PXDN: variants seen among roughly 807,000 people sequenced by gnomAD.
PXDN encodes peroxidasin homolog.
A neutral mutation model predicts 140.3 loss-of-function variants in PXDN; 77 were observed. The ratio of observed to expected loss-of-function variants is 0.55; its 90% CI spans 0.46 to 0.66. The LOEUF is 0.66. Among genes scored for constraint, PXDN ranks in the 30% least tolerant of loss-of-function variants. The probability of loss-of-function intolerance (pLI) is 0.00; values close to 1 mark genes in which losing one functional copy is unlikely to be tolerated. For missense variants in PXDN, 1,838 were observed against 2,039.5 expected (o/e 0.90, Z 1.90); for synonymous variants, 911 against 857.4 (o/e 1.06, Z -1.09).
At chr2:1,712,068 T>A (rs1438050246) in intron 1 of PXDN, among the ~76,000 whole-genome samples, 1 of 139,060 alleles carries the variant, frequency 7.2e-6, no homozygotes, top group Non-Finnish European at 1.5e-5. Flanking sequence ...TTGATCAAGA[T>A]CAACGAGGGT....
At chr2:1,727,715 G>A (rs1409167202) in intron 1 of PXDN, among the ~76,000 whole-genome samples, 1 of 152,152 alleles carries the variant, frequency 6.6e-6, no homozygotes, top group Non-Finnish European at 1.5e-5. Flanking sequence ...TGAGTCAATC[G>A]CCGAGAGCCA....
At chr2:1,692,651 T>A (rs1238958706) in intron 2 of PXDN, 1 of 471,710 alleles carries the variant, frequency 2.1e-6, no homozygotes, top group Non-Finnish European at 4.4e-6. Flanking sequence ...CCAGGCATCA[T>A]GGGACTGCCT....
At position 1,724,038 on chromosome 2, in the gene PXDN, G is replaced by A. The variant is rs544410904; in HGVS notation, c.200+20218C>T. On this transcript the variant is annotated intron_variant, in intron 1 of 22. Coordinates refer to ENST00000252804, the MANE Select transcript of PXDN (RefSeq NM_012293.3). Reference sequence around the variant, plus strand: ...GAAGCTTGGCTATGACTAGGAAAAGGAGCATAAATTTAATGACAAGGACTT... The same window carrying A: ...GAAGCTTGGCTATGACTAGGAAAAGAAGCATAAATTTAATGACAAGGACTT... 2.0e-5 allele frequency among the ~76,000 whole-genome samples: 3 copies of A among 152,302 alleles called. No homozygotes were observed. In the South Asian group the frequency reaches 6.2e-4, roughly 32 times the overall value.
At chr2:1,678,069 C>T (rs549134099) in intron 7 of PXDN, among the ~76,000 whole-genome samples, 2 of 152,308 alleles carry the variant, frequency 1.3e-5, no homozygotes, top group African/African-American at 4.8e-5. Context: ...CATTGCACAG[C>T]CCGGGTCAGG....
rs1682959504 is a variant in PXDN, at chr2:1,649,471, AC to A, written c.2308del (p.Val770CysfsTer33). Reference protein sequence around the residue: ...LTAFERLLKSVYENGFNTPRG... With the variant: ...LTAFERLLKSXYENGFNTPRG... ...AGGGGTGTTGAAGCCATTCTCGTAC[AC>A]GGATTTCAGCAGGCGCTCGAAGGCG... On this transcript the variant is annotated frameshift_variant, in exon 17 of 23. Coordinates refer to ENST00000252804, the MANE Select transcript of PXDN (RefSeq NM_012293.3). LOFTEE classifies it high-confidence loss of function. The surrounding 1 kb of genome is among the most constrained non-coding windows in gnomAD (Gnocchi z 7.1). 1 of 1,613,840 alleles carries A rather than the reference AC, an allele frequency of 6.2e-7. No homozygotes were observed. The highest frequency in any genetic ancestry group is 8.5e-7 in the Non-Finnish European group (1 of 1,179,878).
intron 22 of PXDN, among the ~76,000 whole-genome samples, 176 bp downstream of exon 22, chr2:1,635,232 C>G (rs917889526): frequency 2.6e-5 from 4 of 152,296 alleles, no homozygotes; most frequent in African/African-American, 9.6e-5. Flanking sequence ...GTCCTCTGTG[C>G]ACAGAGAGCT....
chr2:1,670,297 A>G (rs1683543477), intron 9 of PXDN, among the ~76,000 whole-genome samples: 1 of 152,240 alleles, frequency 6.6e-6, no homozygotes, highest in African/African-American at 2.4e-5. Context: ...CTATGCAGCT[A>G]TACAAAGAAA....
At chr2:1,670,285 T>G (rs1430989315) in intron 9 of PXDN, among the ~76,000 whole-genome samples, 2 of 152,232 alleles carry the variant, frequency 1.3e-5, no homozygotes, top group African/African-American at 4.8e-5. Flanking sequence ...GATCATGGAA[T>G]TCTATGCAGC....
At position 1,666,477 on chromosome 2, in the gene PXDN, G is replaced by A; in HGVS notation, c.1028C>T (p.Thr343Ile). Residue 343 changes from threonine to isoleucine, a missense_variant, in exon 10 of 23, where the codon ACT becomes ATT. Thr to Ile is a moderately conservative substitution (Grantham distance 89). This residue lies in a region of PXDN where 208 missense variants were observed against 325.8 expected (regional missense o/e 0.64). Coordinates refer to ENST00000252804, the MANE Select transcript of PXDN (RefSeq NM_012293.3). ...TGTATTCTGTGGCTGGATTACAAAA[G>A]TGGGTCGAGCTGTCACAATTAAACA... ...LRYFGSPARP[T>I]FVIQPQNTEV... The A allele has an allele frequency of 6.3e-7, 1 of 1,593,258 alleles. No individual in the cohort carries two copies. The highest frequency in any genetic ancestry group is 8.6e-7 in the Non-Finnish European group (1 of 1,163,266).
rs1683863474 is a variant in PXDN, at chr2:1,680,289, C to G, written c.634G>C (p.Glu212Gln). The change falls in exon 7 of 23, where the codon GAG becomes CAG. Residue 212 changes from glutamate (E) to glutamine (Q), a missense_variant. By Grantham distance (29) the Glu-to-Gln change is conservative. Around this residue, in one of 5 missense-constraint regions of PXDN, gnomAD observed 208 missense variants for 325.8 expected, o/e 0.64. Transcript: ENST00000252804. The part of the protein sequence containing the change: ...WLADLLKTYA[E>Q]SGNAQAAAIC... ...GCCGCTGCCTGCGCGTTCCCCGACT[C>G]CGCGTAGGTTTTCAGCAAATCCGCC... The G allele has an allele frequency of 1.2e-6, 2 of 1,614,000 alleles. No individual in the cohort carries two copies. The highest frequency in any genetic ancestry group is 1.3e-5 in the African/African-American group (1 of 75,046).
intron 6 of PXDN, among the ~76,000 whole-genome samples, chr2:1,681,176 GC>G (rs1446226170): frequency 6.6e-6 from 1 of 152,144 alleles, no homozygotes; most frequent in Non-Finnish European, 1.5e-5. Flanking sequence ...CTGGGGTGGA[GC>G]CCACAGAGGT....
In PXDN at chr2:1,684,185, A is replaced by G. The variant is rs942452582; in HGVS notation, c.417-34T>C. ...GTTAAAAGAAAAAAAAGTATAACTT[A>G]CAATTTATTTTCTTAGATCCAGATT... On this transcript the variant is annotated intron_variant, in intron 4 of 22. Coordinates refer to ENST00000252804, the MANE Select transcript of PXDN (RefSeq NM_012293.3). 5 of 1,525,932 alleles carry G rather than the reference A, an allele frequency of 3.3e-6. No homozygotes were observed. In the African/African-American group the frequency reaches 6.9e-5, roughly 21 times the overall value. The allele number at this position is 1,525,932 out of a possible 1,614,324, so 94.5% of individuals were successfully genotyped here. A position where few individuals can be genotyped will look rare whatever the true frequency, so the allele number is the denominator to read the frequency against.
rs1682672067 is a variant in PXDN, at chr2:1,639,782, G to A, written c.3953-360C>T. 6.6e-6 allele frequency among the ~76,000 whole-genome samples: 1 copy of A among 152,188 alleles called. No homozygotes were observed. Among genetic ancestry groups the A allele is most frequent in the African/African-American group, 2.4e-5 (1 of 41,438 alleles). On this transcript the variant is annotated intron_variant, in intron 19 of 22. Transcript: ENST00000252804. This position sits in a 1 kb window ranked among gnomAD's most constrained non-coding sequence, Gnocchi z 5.0. The stretch of plus-strand genomic sequence containing the variant: ...GAGATCAGAGTCTGCTGTTTCTGGG[G>A]GTCCCTCCCCGATGGCCAGATGACA...
At position 1,648,878 on chromosome 2, in the gene PXDN, T is replaced by C. The variant is rs1682928550; in HGVS notation, c.2902A>G (p.Ile968Val). 6.2e-7 allele frequency: 1 copy of C among 1,602,106 alleles called. No individual in the cohort carries two copies. The highest frequency in any genetic ancestry group is 8.5e-7 in the Non-Finnish European group (1 of 1,177,372). The change falls in exon 17 of 23, where the codon ATC (isoleucine) becomes GTC (valine). Residue 968 changes from isoleucine (I) to valine (V), a missense_variant. By Grantham distance (29) the Ile-to-Val change is conservative. Coordinates refer to ENST00000252804, the MANE Select transcript of PXDN (RefSeq NM_012293.3). The surrounding 1 kb of genome is among the most constrained non-coding windows in gnomAD (Gnocchi z 8.9). The stretch of plus-strand genomic sequence containing the variant: ...TGGTCCCCGGCCAGGAAGCAGGGGA[T>C]GGGGCTCTCGTTCTCGTCCCGCATG... Reference protein sequence around the residue: ...ECMRDENESPIPCFLAGDHRA... With the variant: ...ECMRDENESPVPCFLAGDHRA...
chr2:1,649,792 C>G lies in PXDN; in HGVS notation c.2105-117G>C, dbSNP rs1403708236. 8.4e-7 allele frequency: 1 copy of G among 1,195,660 alleles called. No homozygotes were observed. The highest frequency in any genetic ancestry group is 1.2e-6 in the Non-Finnish European group (1 of 828,192). The allele number at this position is 1,195,660 out of a possible 1,614,324, so 74.1% of individuals were successfully genotyped here. On this transcript the variant is annotated intron_variant, in intron 16 of 22. Coordinates refer to ENST00000252804, the MANE Select transcript of PXDN (RefSeq NM_012293.3). The surrounding 1 kb of genome is among the most constrained non-coding windows in gnomAD (Gnocchi z 7.1). ...GCTATCTACCCCCAGCTCATGAAAC[C>G]TGTTGTGCGCCATGCAACAAGCGCT...
chr2:1,719,837 TGTGTG>T (rs1558525409), intron 1 of PXDN, among the ~76,000 whole-genome samples: 746 of 38,940 alleles, frequency 0.019, 10 homozygotes, highest in African/African-American at 0.037. Context: ...GCGTGCATTG[TGTGTG>T]TGTGTGTGTG....
intron 3 of PXDN, among the ~76,000 whole-genome samples, chr2:1,691,261 C>T (rs6548063): frequency 0.058 from 8,856 of 152,242 alleles, 861 homozygotes; most frequent in African/African-American, 0.2. Context: ...ACACACACTT[C>T]GTCACCTTTC....
At chr2:1,711,065 A>C (rs375378307) in intron 1 of PXDN, among the ~76,000 whole-genome samples, 13 of 28,178 alleles carry the variant, frequency 4.6e-4, no homozygotes, top group African/African-American at 7.1e-4. Flanking sequence ...CCCGCTCCAC[A>C]AGCACCCACT....
At position 1,648,766 on chromosome 2, in the gene PXDN, A is replaced by G. The variant is rs1234051077; in HGVS notation, c.3014T>C (p.Leu1005Pro). 1 of 1,603,872 alleles carries G rather than the reference A, an allele frequency of 6.2e-7. No individual in the cohort carries two copies. Among genetic ancestry groups the G allele is most frequent in the Non-Finnish European group, 8.5e-7 (1 of 1,175,972 alleles). Reference protein sequence around the residue: ...HNRIATELLKLNPHWDGDTIY... With the variant: ...HNRIATELLKPNPHWDGDTIY... ...GGTGTCGCCGTCCCAGTGCGGGTTC[A>G]GCTTGAGCAGCTCCGTGGCAATGCG... Residue 1005 changes from leucine to proline, a missense_variant, in exon 17 of 23, where the codon CTG becomes CCG. By Grantham distance (98) the Leu-to-Pro change is moderately conservative. Transcript: ENST00000252804. This position sits in a 1 kb window ranked among gnomAD's most constrained non-coding sequence, Gnocchi z 8.9.
Sources: gnomAD v4.1 joint callset for allele counts (sites outside exome capture counted in the v4.1 genomes callset) on GRCh38, gnomAD v4.1.1 for gene constraint, gnomAD v4.1.1 regional missense constraint, Gnocchi (gnomAD v3.1) non-coding constraint, MANE v1.5 for transcripts, NCBI Gene and HGNC (gene_info 2026-07-23, HGNC 2026-07-21) for gene names.